The following LARS2 variants were observed in gnomAD, a reference collection of about 807,000 sequenced individuals.
The protein encoded by LARS2 is leucine--tRNA ligase, mitochondrial.
Under a neutral mutation model 116.6 loss-of-function variants are expected in LARS2, and 81 were observed. That is an observed-to-expected ratio of 0.69 (90% CI 0.58 to 0.84). LARS2 has a LOEUF of 0.84. Ranked by LOEUF, LARS2 falls within the 40% of genes least tolerant of loss-of-function variation. The probability of loss-of-function intolerance (pLI) is 0.00; values close to 1 mark genes in which losing one functional copy is unlikely to be tolerated. For synonymous variants in LARS2, 396 were observed against 407.2 expected, an observed-to-expected ratio of 0.97 and a Z score of 0.33; for missense variants, 968 against 1,114.5, an observed-to-expected ratio of 0.87 and a Z score of 1.87.
intron 13 of LARS2, among the ~76,000 whole-genome samples, chr3:45,493,968 A>G (rs941831726): frequency 6.6e-6 from 1 of 152,102 alleles, no homozygotes; most frequent in African/African-American, 2.4e-5. Context: ...TTTATTTTCT[A>G]ATTATTTCCC....
chr3:45,468,547 A>G (rs897370521), intron 8 of LARS2, among the ~76,000 whole-genome samples: 1 of 152,190 alleles, frequency 6.6e-6, no homozygotes, highest in East Asian at 1.9e-4. Flanking sequence ...AAGCAATCTC[A>G]TCAGACAGGT....
intron 19 of LARS2, among the ~76,000 whole-genome samples, chr3:45,521,113 G>C (rs898317596): frequency 1.3e-5 from 2 of 152,064 alleles, no homozygotes; most frequent in African/African-American, 4.8e-5. Context: ...GACCATCCTG[G>C]CTAACACAGT....
At chr3:45,454,929 A>T (rs1699190042) in intron 7 of LARS2, among the ~76,000 whole-genome samples, 1 of 152,126 alleles carries the variant, frequency 6.6e-6, no homozygotes, top group Admixed American at 6.6e-5. Flanking sequence ...CTGGATTTTG[A>T]CGACTCCAAA....
In LARS2 at chr3:45,518,078, A is replaced by C; in HGVS notation, c.2214+6A>C. 6.2e-7 allele frequency: 1 copy of C among 1,607,994 alleles called. No homozygotes were observed. The highest frequency in any genetic ancestry group is 8.5e-7 in the Non-Finnish European group (1 of 1,176,502). ...AGAACTCCGTCATCTCTCAGGTCAG[A>C]AACTCTCCAATTCCAGGGGTTAACT... is the stretch of plus-strand genomic sequence containing the variant. On this transcript the variant is annotated splice_donor_region_variant and intron_variant, in intron 18 of 21. Transcript: ENST00000645846.
chr3:45,460,522 A>G (rs1699298521), intron 8 of LARS2, among the ~76,000 whole-genome samples: 1 of 152,230 alleles, frequency 6.6e-6, no homozygotes, highest in South Asian at 2.1e-4. Flanking sequence ...TCAGCTGTGA[A>G]TTTTCAACTG....
At chr3:45,455,099 G>T (rs80034500) in intron 7 of LARS2, among the ~76,000 whole-genome samples, 5,050 of 151,662 alleles carry the variant, frequency 0.033, 93 homozygotes, top group Middle Eastern at 0.082. Context: ...CTTTCATTAG[G>T]GGGATAAATT....
chr3:45,486,002 G>A (rs761875228), intron 11 of LARS2, among the ~76,000 whole-genome samples: 23 of 45,336 alleles, frequency 5.1e-4, no homozygotes, highest in Non-Finnish European at 1.3e-3. Context: ...TACTTTGCTC[G>A]TTGCTACTGA....
intron 2 of LARS2, among the ~76,000 whole-genome samples, chr3:45,392,380 TG>T (rs983575992): frequency 4.2e-4 from 63 of 151,096 alleles, no homozygotes; most frequent in Non-Finnish European, 1.0e-4. Flanking sequence ...CTGCAACCTC[TG>T]CCTCCCAGGT....
chr3:45,513,761 C>T (rs1479430099), intron 16 of LARS2, among the ~76,000 whole-genome samples: 1 of 152,182 alleles, frequency 6.6e-6, no homozygotes, highest in Non-Finnish European at 1.5e-5. Context: ...TCCCAGCTCT[C>T]CCAAGCCTTT....
chr3:45,496,474 G>A (rs1193058140), intron 14 of LARS2, 101 bp downstream of exon 14: 2 of 897,016 alleles, frequency 2.2e-6, no homozygotes, highest in East Asian at 2.4e-5. Flanking sequence ...TTCTTGGGGG[G>A]AAATGCCTGT....
At chr3:45,520,189 A>G (rs531349531) in intron 18 of LARS2, 30 bp from the exon 19 acceptor site, 16 of 1,504,918 alleles carry the variant, frequency 1.1e-5, no homozygotes, top group East Asian at 4.5e-5. Flanking sequence ...GAATTTTGAA[A>G]TAAGTAAATA....
At chr3:45,499,131 T>TA (rs1268856656) in intron 14 of LARS2, among the ~76,000 whole-genome samples, 2 of 151,906 alleles carry the variant, frequency 1.3e-5, no homozygotes, top group Non-Finnish European at 2.9e-5. Flanking sequence ...CTCGTCTCCA[T>TA]AAAAAATGTT....
intron 15 of LARS2, among the ~76,000 whole-genome samples, chr3:45,510,827 C>T (rs1392298714): frequency 6.6e-6 from 1 of 152,136 alleles, no homozygotes; most frequent in Non-Finnish European, 1.5e-5. Context: ...AGTTGTCAGG[C>T]ATTGGTTTGG....
intron 18 of LARS2, 23 bp downstream of exon 18, chr3:45,518,095 G>C: frequency 6.3e-7 from 1 of 1,590,036 alleles, no homozygotes; most frequent in Middle Eastern, 1.7e-4. Flanking sequence ...CCAATTCCAG[G>C]GGTTAACTCT....
chr3:45,458,095 C>G (rs2125709994), intron 7 of LARS2, among the ~76,000 whole-genome samples: 1 of 152,222 alleles, frequency 6.6e-6, no homozygotes, highest in Non-Finnish European at 1.5e-5. Flanking sequence ...ATTTATTTCC[C>G]TAAAATAATC....
At chr3:45,498,312 T>C (rs1042985448) in intron 14 of LARS2, among the ~76,000 whole-genome samples, 1 of 152,194 alleles carries the variant, frequency 6.6e-6, no homozygotes, top group African/African-American at 2.4e-5. Flanking sequence ...CCTGGGGTGG[T>C]TTCCTGAGTG....
intron 15 of LARS2, among the ~76,000 whole-genome samples, chr3:45,505,013 G>A (rs556661955): frequency 2.6e-5 from 4 of 151,680 alleles, no homozygotes; most frequent in East Asian, 1.9e-4. Flanking sequence ...CCTGGGAGGC[G>A]GAGGCTGCAG....
chr3:45,419,607 G>A (rs1698483379), intron 5 of LARS2, 62 bp from the exon 6 acceptor site: 2 of 1,058,436 alleles, frequency 1.9e-6, no homozygotes, highest in African/African-American at 6.5e-5. Context: ...TTCTCAAAGT[G>A]TAGTTGTGTA....
chr3:45,535,027 C>T (rs1317851836), intron 20 of LARS2, among the ~76,000 whole-genome samples: 4 of 152,110 alleles, frequency 2.6e-5, no homozygotes, highest in Non-Finnish European at 4.4e-5. Flanking sequence ...ACAAAAGACT[C>T]AAGGGTTCCT....
Sources: gnomAD v4.1 joint callset for allele counts (sites outside exome capture counted in the v4.1 genomes callset) on GRCh38, gnomAD v4.1.1 for gene constraint, MANE v1.5 for transcripts, NCBI Gene and HGNC (gene_info 2026-07-23, HGNC 2026-07-21) for gene names.